Variants in NDE1 observed in about 807,000 individuals in gnomAD.
The protein encoded by NDE1 is nuclear distribution protein nudE homolog 1.
NDE1 carries 28 observed loss-of-function variants against 43.4 expected under a neutral mutation model. The observed-to-expected ratio is 0.65, with a 90% CI of 0.48 to 0.89. The LOEUF (loss-of-function observed/expected upper bound fraction) is 0.89. NDE1 is among the 40% of genes least tolerant of loss of function. NDE1 has a pLI of 0.00. For synonymous variants in NDE1, 184 were observed against 172.0 expected (o/e 1.07, Z -0.55); for missense variants, 441 against 434.1 (o/e 1.02, Z -0.14).
chr16:15,712,975 TC>T (rs1442559251), intron 8 of NDE1: 1 of 150,366 alleles, frequency 6.7e-6, no homozygotes, highest in African/African-American at 2.5e-5. Context: ...TGCCTCAGCC[TC>T]CTGAGTAGCT....
intron 6 of NDE1, 52 bp from the exon 7 acceptor site, chr16:15,694,113 C>T (rs1457290506): frequency 1.9e-6 from 3 of 1,602,100 alleles, no homozygotes; most frequent in Admixed American, 1.7e-5. Flanking sequence ...TGTTAACGCA[C>T]AGACATGACT....
chr16:15,699,961 C>A, intron 8 of NDE1: 19 of 1,208,762 alleles, frequency 1.6e-5, no homozygotes, highest in Non-Finnish European at 1.9e-5. Flanking sequence ...GCGGCCCAAG[C>A]CAATGACCGA....
At chr16:15,691,071 G>C in intron 5 of NDE1, 73 bp from the exon 6 acceptor site, 6 of 1,598,872 alleles carry the variant, frequency 3.8e-6, no homozygotes, top group Non-Finnish European at 5.1e-6. Context: ...GCCTCCCAAA[G>C]TGCTGGCATT....
At chr16:15,666,008 G>A (rs537612416) in intron 2 of NDE1, among the ~76,000 whole-genome samples, 30 of 151,804 alleles carry the variant, frequency 2.0e-4, no homozygotes, top group African/African-American at 6.0e-4. Context: ...CACTTGCCTC[G>A]GCTTCCCTAA....
At chr16:15,677,724 C>T in intron 3 of NDE1, 77 bp from the exon 4 acceptor site, 3 of 1,537,818 alleles carry the variant, frequency 2.0e-6, no homozygotes, top group South Asian at 1.1e-5. Context: ...GCTGTGACTC[C>T]AGGTGGATGT....
chr16:15,704,095 A>G (rs1334252862), intron 8 of NDE1: 3 of 1,613,998 alleles, frequency 1.9e-6, no homozygotes, highest in Non-Finnish European at 2.5e-6. Flanking sequence ...GACCTTCTAG[A>G]AGGAACGAAA....
At chr16:15,667,241 G>T (rs779134854) in intron 2 of NDE1, 45 bp from the exon 3 acceptor site, 3 of 1,608,572 alleles carry the variant, frequency 1.9e-6, no homozygotes, top group African/African-American at 1.3e-5. Flanking sequence ...GCGAGACTCT[G>T]TCTTCAAAAA....
rs2039330437 is a variant in NDE1, at chr16:15,704,207, T to C, written c.947+7347T>C. 4 of 1,537,908 alleles carry C rather than the reference T, an allele frequency of 2.6e-6. 1 individual carries two copies. In the Admixed American group the frequency reaches 6.8e-5, roughly 26 times the overall value. On this transcript the variant is annotated intron_variant, in intron 8 of 8. Coordinates refer to ENST00000396354, the MANE Select transcript of NDE1 (RefSeq NM_017668.3). ...TTTTTATAAATCTATTTTAAACTTG[T>C]AGCTATAGTCCTATTGCAATATAAA... is the stretch of plus-strand genomic sequence containing the variant.
At chr16:15,701,943 G>C (rs1272238878) in intron 8 of NDE1, 1 of 152,192 alleles carries the variant, frequency 6.6e-6, no homozygotes, top group Non-Finnish European at 1.5e-5. Context: ...TCTGGTCAAA[G>C]AGGCTTTGTA....
At chr16:15,695,203 C>CTTTTTTTTTTTTTTTTTTT (rs71134451) in intron 7 of NDE1, among the ~76,000 whole-genome samples, 10 of 79,680 alleles carry the variant, frequency 1.3e-4, no homozygotes, top group African/African-American at 3.3e-4. Flanking sequence ...AAACTGCCAC[C>CTTTTTTTTTTTTTTTTTTT]TTTTTTTTTT....
At chr16:15,664,626 A>T (rs2037209658) in intron 1 of NDE1, 110 bp from the exon 2 acceptor site, 3 of 684,160 alleles carry the variant, frequency 4.4e-6, no homozygotes, top group African/African-American at 3.6e-5. Context: ...AAGTGCTGGG[A>T]TTATAGGCGT....
At chr16:15,644,083 C>A (rs1298314375) in intron 1 of NDE1, among the ~76,000 whole-genome samples, 1 of 152,074 alleles carries the variant, frequency 6.6e-6, no homozygotes, top group Non-Finnish European at 1.5e-5. Context: ...CAGCTGATTA[C>A]TATTTTCTGT....
intron 6 of NDE1, among the ~76,000 whole-genome samples, chr16:15,692,045 AGCGTAACGT>A (rs2038780931): frequency 6.6e-6 from 1 of 151,950 alleles, no homozygotes; most frequent in Non-Finnish European, 1.5e-5. Context: ...AGCTAGACTC[AGCGTAACGT>A]GTGCTGCATG....
At chr16:15,724,153 C>T in intron 8 of NDE1, 38 bp from the exon 9 acceptor site, 1 of 1,612,864 alleles carries the variant, frequency 6.2e-7, no homozygotes, top group Non-Finnish European at 8.5e-7. Context: ...ACACCCCACG[C>T]CCTCTACCTG....
At position 15,664,735 on chromosome 16, in the gene NDE1, G is replaced by T; in HGVS notation, c.-43-1G>T. The stretch of plus-strand genomic sequence containing the variant: ...AATCATTTTGAAACCTTCTCTCCTA[G>T]ACACCATGCCACAAGGAGAGTGATC... On this transcript the variant is annotated splice_acceptor_variant, in intron 1 of 8. Transcript: ENST00000396354. LOFTEE classifies it low-confidence loss of function (5UTR_SPLICE). 7.0e-7 allele frequency: 1 copy of T among 1,420,736 alleles called. No individual in the cohort carries two copies. The highest frequency in any genetic ancestry group is 9.9e-7 in the Non-Finnish European group (1 of 1,005,304). The allele number at this position is 1,420,736 out of a possible 1,614,324, so 88.0% of individuals were successfully genotyped here.
intron 1 of NDE1, among the ~76,000 whole-genome samples, chr16:15,660,333 C>T (rs1005296448): frequency 2.6e-5 from 4 of 151,874 alleles, no homozygotes; most frequent in African/African-American, 9.7e-5. Flanking sequence ...ATTAGCTTGG[C>T]GTAGTGGCCT....
chr16:15,691,333 G>C lies in NDE1; in HGVS notation c.703+10G>C. 1.2e-6 allele frequency: 2 copies of C among 1,613,828 alleles called. No individual in the cohort carries two copies. Among genetic ancestry groups the C allele is most frequent in the Non-Finnish European group, 1.7e-6 (2 of 1,179,866 alleles). On this transcript the variant is annotated intron_variant, in intron 6 of 8. Transcript: ENST00000396354. ...GGGAGCTTCAGACGTGGTAAGGGGA[G>C]TGGGAATTGCAGGATTTTCTCGGTT...
chr16:15,669,480 G>C (rs1395125059), intron 3 of NDE1, among the ~76,000 whole-genome samples: 1 of 151,278 alleles, frequency 6.6e-6, no homozygotes, highest in Non-Finnish European at 1.5e-5. Context: ...TCCTGCCTCA[G>C]CCTCCTGAGT....
At chr16:15,655,774 A>G (rs2036730890) in intron 1 of NDE1, among the ~76,000 whole-genome samples, 1 of 152,004 alleles carries the variant, frequency 6.6e-6, no homozygotes, top group Non-Finnish European at 1.5e-5. Context: ...CGTGGCACAT[A>G]TACACCATGG....
Sources: gnomAD v4.1 joint callset for allele counts (sites outside exome capture counted in the v4.1 genomes callset) on GRCh38, gnomAD v4.1.1 for gene constraint, MANE v1.5 for transcripts, NCBI Gene and HGNC (gene_info 2026-07-23, HGNC 2026-07-21) for gene names.